RHOT1: variants seen among roughly 807,000 people sequenced by gnomAD.
The protein encoded by RHOT1 is mitochondrial Rho GTPase 1.
RHOT1 carries 27 observed loss-of-function variants against 95.3 expected under a neutral mutation model. The ratio of observed to expected loss-of-function variants is 0.28; its 90% CI spans 0.21 to 0.39. The LOEUF (loss-of-function observed/expected upper bound fraction) is 0.39. Among genes scored for constraint, RHOT1 ranks in the 10% least tolerant of loss-of-function variants. The pLI is 1.00. For synonymous variants in RHOT1, 227 were observed against 263.5 expected, an observed-to-expected ratio of 0.86 and a Z score of 1.34; for missense variants, 578 against 786.7, an observed-to-expected ratio of 0.73 and a Z score of 3.17.
intron 18 of RHOT1, chr17:32,209,506 C>A: frequency 1.0e-6 from 1 of 984,118 alleles, no homozygotes; most frequent in South Asian, 1.4e-5. Context: ...TAGAGAATGA[C>A]CAAATCTCCT....
At chr17:32,143,047 C>T (rs934360951) in intron 1 of RHOT1, 7 of 681,626 alleles carry the variant, frequency 1.0e-5, no homozygotes, top group African/African-American at 5.3e-5. Flanking sequence ...AAGCTTCTCT[C>T]CTCCTTTTCC....
intron 19 of RHOT1, among the ~76,000 whole-genome samples, chr17:32,218,506 G>GA (rs371495186): frequency 0.052 from 5,453 of 104,312 alleles, 300 homozygotes; most frequent in African/African-American, 0.15. Context: ...GATCCTGTCT[G>GA]AAAAAAAAAA....
intron 1 of RHOT1, among the ~76,000 whole-genome samples, chr17:32,169,677 C>G (rs1299546041): frequency 6.6e-6 from 1 of 152,148 alleles, no homozygotes; most frequent in African/African-American, 2.4e-5. Context: ...GGAATTTATT[C>G]TGTAGAAATA....
intron 19 of RHOT1, among the ~76,000 whole-genome samples, chr17:32,221,492 G>A (rs139467337): frequency 1.3e-3 from 195 of 152,188 alleles, no homozygotes; most frequent in African/African-American, 4.5e-3. Context: ...GAATACATGT[G>A]AGACCACATT....
chr17:32,146,039 G>A (rs2031280741), intron 1 of RHOT1, among the ~76,000 whole-genome samples: 1 of 152,172 alleles, frequency 6.6e-6, no homozygotes, highest in African/African-American at 2.4e-5. Context: ...ATATCATCCA[G>A]TGATTTCTAC....
rs377505158 is a variant in RHOT1, at chr17:32,224,620, G to A, written c.1867G>A (p.Val623Met). 9.9e-6 allele frequency: 16 copies of A among 1,610,594 alleles called. No individual in the cohort carries two copies. The African/African-American group carries it at 1.5e-4, about 15-fold the overall frequency. The change falls in exon 20 of 20, where the codon GTG becomes ATG. Residue 623 changes from valine (V) to methionine (M), a missense_variant. Physicochemically the swap from Val to Met is conservative, Grantham distance 21. Transcript: ENST00000545287. ...AATTATATTTTCTGACTGCAGGCAC[G>A]TGACACAAGCTGACCTCAAGAGCTC... ...KIFTAVLNRHVTQADLKSSTF... is the reference protein window; with the variant it reads ...KIFTAVLNRHMTQADLKSSTF...
At chr17:32,185,880 C>T (rs138534066) in intron 8 of RHOT1, among the ~76,000 whole-genome samples, 507 of 152,010 alleles carry the variant, frequency 3.3e-3, no homozygotes, top group Non-Finnish European at 4.9e-3. Context: ...GCCACCGTGC[C>T]CAGCTAATTT....
At chr17:32,143,104 C>T (rs2030665281) in intron 1 of RHOT1, 1 of 584,944 alleles carries the variant, frequency 1.7e-6, no homozygotes, top group South Asian at 1.5e-5. Context: ...CAGGCCGCCT[C>T]CTTTCAGACC....
chr17:32,198,513 C>T (rs917317740), intron 11 of RHOT1, among the ~76,000 whole-genome samples: 4 of 152,082 alleles, frequency 2.6e-5, no homozygotes, highest in Non-Finnish European at 5.9e-5. Flanking sequence ...GAGTTTGAGC[C>T]AGCCTGGGCA....
chr17:32,151,074 C>T, intron 1 of RHOT1: 3 of 1,209,776 alleles, frequency 2.5e-6, no homozygotes, highest in Non-Finnish European at 3.6e-6. Flanking sequence ...TTCCAGGCTT[C>T]TCCTGAGTGA....
chr17:32,176,456 A>G (rs1476252167), intron 6 of RHOT1, among the ~76,000 whole-genome samples: 3 of 152,192 alleles, frequency 2.0e-5, no homozygotes, highest in African/African-American at 7.2e-5. Context: ...CAGAACTCTG[A>G]TATCATGATT....
At chr17:32,151,152 C>G in intron 1 of RHOT1, 1 of 802,736 alleles carries the variant, frequency 1.2e-6, no homozygotes. Flanking sequence ...ACTGTTGACT[C>G]TGGTAGGTTG....
At chr17:32,178,805 G>A (rs1344613778) in intron 6 of RHOT1, 22 of 144,902 alleles carry the variant, frequency 1.5e-4, no homozygotes, top group Non-Finnish European at 2.6e-4. Context: ...CTGCCACCCC[G>A]TCTAGGAAGT....
At chr17:32,147,251 G>T (rs1164186979) in intron 1 of RHOT1, among the ~76,000 whole-genome samples, 1 of 151,924 alleles carries the variant, frequency 6.6e-6, no homozygotes, top group Non-Finnish European at 1.5e-5. Flanking sequence ...CACCATGTTG[G>T]CCAGGCTGGT....
intron 1 of RHOT1, among the ~76,000 whole-genome samples, chr17:32,165,427 G>A (rs1343234675): frequency 1.3e-5 from 2 of 151,014 alleles, no homozygotes; most frequent in Non-Finnish European, 2.9e-5. Flanking sequence ...AGAGACTGAG[G>A]CACAAGAATG....
chr17:32,183,258 C>G lies in RHOT1; in HGVS notation c.526C>G (p.Pro176Ala). The G allele has an allele frequency of 6.8e-7, 1 of 1,470,812 alleles. No homozygotes were observed. The highest frequency in any genetic ancestry group is 9.1e-7 in the Non-Finnish European group (1 of 1,103,996). 91.1% of individuals were successfully genotyped at this position (1,470,812 alleles called of 1,614,324 possible). ...TCATCCTACAGGGCCCCTGTACTGC[C>G]CAGAGGAGAAGGAGGTAACAGGCTG... ...VLHPTGPLYC[P>A]EEKEMKPACI... The change falls in exon 8 of 20, where the codon CCA becomes GCA. Residue 176 changes from proline to alanine, a missense_variant. By Grantham distance (27) the Pro-to-Ala change is conservative. Transcript: ENST00000545287.
At chr17:32,170,260 CA>C (rs1416587757) in intron 1 of RHOT1, among the ~76,000 whole-genome samples, 1 of 151,856 alleles carries the variant, frequency 6.6e-6, no homozygotes, top group Non-Finnish European at 1.5e-5. Flanking sequence ...ACTAAAAATA[CA>C]AAAATTAGCT....
At chr17:32,142,766 G>T in intron 1 of RHOT1, 37 bp downstream of exon 1, 1 of 1,477,902 alleles carries the variant, frequency 6.8e-7, no homozygotes, top group Non-Finnish European at 9.0e-7. Flanking sequence ...CTGAGTCCCT[G>T]CCCTCCCTGC....
chr17:32,216,894 T>C (rs997039524), intron 19 of RHOT1, among the ~76,000 whole-genome samples: 1 of 152,212 alleles, frequency 6.6e-6, no homozygotes, highest in Admixed American at 6.5e-5. Flanking sequence ...TAGTTTCTTA[T>C]GAAACTTATT....
Sources: gnomAD v4.1 joint callset for allele counts (sites outside exome capture counted in the v4.1 genomes callset) on GRCh38, gnomAD v4.1.1 for gene constraint, MANE v1.5 for transcripts, NCBI Gene and HGNC (gene_info 2026-07-23, HGNC 2026-07-21) for gene names.